Variants in MAGOHB observed in about 807,000 individuals in gnomAD.
MAGOHB encodes protein mago nashi homolog 2.
MAGOHB carries 15 observed loss-of-function variants against 20.9 expected under a neutral mutation model. That is an observed-to-expected ratio of 0.72 (90% confidence interval 0.48 to 1.11). The LOEUF is 1.11. Ranked by LOEUF, MAGOHB falls within the 50% of genes least tolerant of loss-of-function variation. The pLI, the probability that MAGOHB is intolerant of heterozygous loss-of-function variation, is 0.00. For synonymous variants in MAGOHB, 50 were observed against 57.9 expected (o/e 0.86, Z 0.62); for missense variants, 162 against 177.6 (o/e 0.91, Z 0.50).
At position 10,609,944 on chromosome 12, in the gene MAGOHB, A is replaced by C. The variant is rs1330201123; in HGVS notation, c.154-3T>G. 1 of 1,546,332 alleles carries C rather than the reference A, an allele frequency of 6.5e-7. No individual in the cohort carries two copies. The highest frequency in any genetic ancestry group is 8.8e-7 in the Non-Finnish European group (1 of 1,130,142). On this transcript the variant is annotated splice_region_variant and splice_polypyrimidine_tract_variant and intron_variant, in intron 2 of 4. Coordinates refer to ENST00000320756, the MANE Select transcript of MAGOHB (RefSeq NM_018048.5). ...ATTACACTCTTGTGCACATAAGCCTAAAAATTAATCATAATAAAATGAGAT... is the reference window on the plus strand; with the variant it reads ...ATTACACTCTTGTGCACATAAGCCTCAAAATTAATCATAATAAAATGAGAT...
intron 1 of MAGOHB, chr12:10,612,793 A>G: frequency 1.6e-6 from 2 of 1,283,826 alleles, no homozygotes; most frequent in Non-Finnish European, 2.0e-6. Flanking sequence ...ACTGTTGCAC[A>G]CTACTTGGGT....
At chr12:10,612,247 T>TAACATAACATAACATAACATAACATA (rs1555146632) in intron 1 of MAGOHB, among the ~76,000 whole-genome samples, 1 of 138,958 alleles carries the variant, frequency 7.2e-6, no homozygotes, top group African/African-American at 2.6e-5. Context: ...TAACATAACA[T>TAACATAACATAACATAACATAACATA]AATTAGCTGG....
Position 10,606,305 on chromosome 12 carries a change from A to T in MAGOHB, c.417T>A (p.Ile139=). 6.4e-7 allele frequency: 1 copy of T among 1,566,794 alleles called. No individual in the cohort carries two copies. The highest frequency in any genetic ancestry group is 8.7e-7 in the Non-Finnish European group (1 of 1,149,850). Residue 139 remains isoleucine, a synonymous_variant, in exon 5 of 5, where the codon ATT becomes ATA. Coordinates refer to ENST00000320756, the MANE Select transcript of MAGOHB (RefSeq NM_018048.5). ...TTGGTTTAATCTTGAAGTGTAATCC[A>T]ATAAGACTGAAAACTAAACATTTCA... ...QDLKCLVFSL[I]GLHFKIKPI
At chr12:10,612,387 G>A (rs1865764479) in intron 1 of MAGOHB, among the ~76,000 whole-genome samples, 1 of 125,366 alleles carries the variant, frequency 8.0e-6, no homozygotes, top group Non-Finnish European at 1.8e-5. Context: ...GACAGAGTGA[G>A]ACCTTGTTTC....
chr12:10,612,766 G>A (rs1269817327), intron 1 of MAGOHB: 2 of 1,253,292 alleles, frequency 1.6e-6, no homozygotes, highest in Middle Eastern at 2.2e-4. Context: ...TCTAAGGATA[G>A]CGCTGTCAGA....
chr12:10,606,477 C>A, intron 4 of MAGOHB, 103 bp from the exon 5 acceptor site: 2 of 653,374 alleles, frequency 3.1e-6, no homozygotes, highest in Non-Finnish European at 5.3e-6. Context: ...ATTAAGTTAA[C>A]AAAATTTAGG....
chr12:10,606,363 C>A lies in MAGOHB; in HGVS notation c.359G>T (p.Gly120Val), dbSNP rs756686828. Residue 120 changes from glycine to valine, a missense_variant, in exon 5 of 5, where the codon GGC (glycine) becomes GTC (valine). Gly to Val is a moderately radical substitution (Grantham distance 109). Transcript: ENST00000320756. Reference sequence around the variant, plus strand: ...TACCAAATAGTAAAATACTCGAAGGCCTTCAGGATCCCTAAAATTTAAAAA... The same window carrying A: ...TACCAAATAGTAAAATACTCGAAGGACTTCAGGATCCCTAAAATTTAAAAA... Reference protein sequence around the residue: ...IDVNQSKDPEGLRVFYYLVQD... With the variant: ...IDVNQSKDPEVLRVFYYLVQD... The A allele has an allele frequency of 1.9e-6, 3 of 1,554,198 alleles. No homozygotes were observed. The highest frequency in any genetic ancestry group is 2.0e-5 in the Admixed American group (1 of 50,520).
downstream of MAGOHB, among the ~76,000 whole-genome samples, chr12:10,603,187 G>A (rs12817393): frequency 6.6e-6 from 1 of 151,942 alleles, no homozygotes; most frequent in Non-Finnish European, 1.5e-5. Flanking sequence ...GGTGGCGGGC[G>A]CCTGTAGTCC....
downstream of MAGOHB, among the ~76,000 whole-genome samples, chr12:10,603,925 A>G (rs1160258046): frequency 2.0e-5 from 3 of 152,264 alleles, no homozygotes; most frequent in African/African-American, 7.2e-5. Context: ...AAAACGAAGT[A>G]GTCTAACAAT....
At chr12:10,612,798 T>G in intron 1 of MAGOHB, 1 of 1,286,772 alleles carries the variant, frequency 7.8e-7, no homozygotes, top group Non-Finnish European at 1.0e-6. Flanking sequence ...TGCACACTAC[T>G]TGGGTAGCAG....
chr12:10,606,217 G>A lies in MAGOHB; in HGVS notation c.*58C>T. 2.1e-6 allele frequency: 2 copies of A among 942,842 alleles called. No individual in the cohort carries two copies. Among genetic ancestry groups the A allele is most frequent in the Non-Finnish European group, 1.6e-6 (1 of 632,506 alleles). 58.4% of individuals were successfully genotyped at this position (942,842 alleles called of 1,614,324 possible). On this transcript the variant is annotated 3_prime_UTR_variant, in exon 5 of 5. Transcript: ENST00000320756. ...TCATAAAAACCCCAATACTGTAAAT[G>A]ACAAATAACCCCTCCCATCCCTTAA...
downstream of MAGOHB, among the ~76,000 whole-genome samples, chr12:10,603,772 T>C (rs1263195756): frequency 6.6e-6 from 1 of 152,190 alleles, no homozygotes; most frequent in African/African-American, 2.4e-5. Context: ...AATCCTTCAT[T>C]TACCTTTGTT....
chr12:10,612,399 A>AAATAAT (rs3059684), intron 1 of MAGOHB, among the ~76,000 whole-genome samples: 1 of 150,614 alleles, frequency 6.6e-6, no homozygotes, highest in Non-Finnish European at 1.5e-5. Context: ...CCTTGTTTCA[A>AAATAAT]AATAATAATA....
chr12:10,610,194 C>T lies in MAGOHB; in HGVS notation c.154-253G>A, dbSNP rs534168007. On this transcript the variant is annotated intron_variant, in intron 2 of 4. Coordinates refer to ENST00000320756, the MANE Select transcript of MAGOHB (RefSeq NM_018048.5). ...TTTCAAACACTGTATTCTGCCTTTG[C>T]AACACTGAGATCCAAATACCCACAA... 2.3e-4 allele frequency among the ~76,000 whole-genome samples: 35 copies of T among 152,270 alleles called. No individual in the cohort carries two copies. The East Asian group carries it at 6.4e-3, about 28-fold the overall frequency.
chr12:10,608,057 G>C (rs142789335), intron 3 of MAGOHB, 121 bp from the exon 4 acceptor site: 4 of 583,260 alleles, frequency 6.9e-6, no homozygotes, highest in Non-Finnish European at 3.0e-6. Context: ...CAGAGGGAGT[G>C]GGGGGCGAGG....
chr12:10,611,099 G>C (rs1420660010), intron 1 of MAGOHB, among the ~76,000 whole-genome samples: 1 of 152,086 alleles, frequency 6.6e-6, no homozygotes, highest in African/African-American at 2.4e-5. Context: ...CTATTCATAG[G>C]AGAGAAAACA....
chr12:10,612,394 T>C (rs1395711689), intron 1 of MAGOHB, among the ~76,000 whole-genome samples: 1 of 88,886 alleles, frequency 1.1e-5, no homozygotes, highest in Non-Finnish European at 2.7e-5. Flanking sequence ...TGAGACCTTG[T>C]TTCAAAATAA....
At position 10,604,232 on chromosome 12, in the gene MAGOHB, G is replaced by A. The variant is rs777534447; in HGVS notation, c.*2043C>T. Reference sequence around the variant, plus strand: ...CTCTTTATTAAGGAAGGAGGTAAAAGGAACATAACCTGAGCGCAATAAAAA... The same window carrying A: ...CTCTTTATTAAGGAAGGAGGTAAAAAGAACATAACCTGAGCGCAATAAAAA... On this transcript the variant is annotated 3_prime_UTR_variant, in exon 5 of 5. Coordinates refer to ENST00000320756, the MANE Select transcript of MAGOHB (RefSeq NM_018048.5). 4 of 152,092 alleles carry A rather than the reference G, an allele frequency of 2.6e-5. No homozygotes were observed. Among genetic ancestry groups the A allele is most frequent in the Non-Finnish European group, 5.9e-5 (4 of 68,014 alleles). 9.4% of individuals were successfully genotyped at this position (152,092 alleles called of 1,614,324 possible). A position where few individuals can be genotyped will look rare whatever the true frequency, so the allele number is the denominator to read the frequency against.
In MAGOHB at chr12:10,611,747, CAAAAAAA is replaced by C. The variant is rs1042294332; in HGVS notation, c.95-1074_95-1068del. Among the ~76,000 whole-genome samples, 15 of 27,694 alleles carry C rather than the reference CAAAAAAA, an allele frequency of 5.4e-4. No homozygotes were observed. The East Asian group carries it at 6.3e-3, about 12-fold the overall frequency. 18.2% of individuals were successfully genotyped at this position (27,694 alleles called of 152,430 possible). A position where few individuals can be genotyped will look rare whatever the true frequency, so the allele number is the denominator to read the frequency against. On this transcript the variant is annotated intron_variant, in intron 1 of 4. Coordinates refer to ENST00000320756, the MANE Select transcript of MAGOHB (RefSeq NM_018048.5). ...TGGACGACAGAGCAAGACTCTGTCT[CAAAAAAA>C]AAAAAAAAAAAAAAAAAAAAAGAAA...
Sources: gnomAD v4.1 joint callset for allele counts (sites outside exome capture counted in the v4.1 genomes callset) on GRCh38, gnomAD v4.1.1 for gene constraint, MANE v1.5 for transcripts, NCBI Gene and HGNC (gene_info 2026-07-23, HGNC 2026-07-21) for gene names.